Variants in RHBDL2 observed in about 807,000 individuals in gnomAD.
RHBDL2 encodes the protein rhomboid like 2.
RHBDL2 carries 26 observed loss-of-function variants against 31.7 expected under a neutral mutation model. The ratio of observed to expected loss-of-function variants is 0.82; its 90% CI spans 0.60 to 1.14. RHBDL2 has a LOEUF of 1.14. Ranked by LOEUF, RHBDL2 falls within the 50% of genes most tolerant of loss-of-function variation. RHBDL2 has a pLI of 0.00. For missense variants in RHBDL2, 336 were observed against 364.4 expected (o/e 0.92, Z 0.63); for synonymous variants, 123 against 127.2 (o/e 0.97, Z 0.22).
chr1:38,938,435 C>T (rs1230775529), intron 1 of RHBDL2, among the ~76,000 whole-genome samples: 1 of 152,006 alleles, frequency 6.6e-6, no homozygotes, highest in Non-Finnish European at 1.5e-5. Flanking sequence ...TTTCCATTTC[C>T]CCAAATATAC....
intron 1 of RHBDL2, chr1:38,926,236 AGTATCCAG>A: frequency 9.1e-7 from 1 of 1,097,032 alleles, no homozygotes; most frequent in Non-Finnish European, 1.1e-6. Flanking sequence ...CAGTGGCAGC[AGTATCCAG>A]TGTCCAGACG....
chr1:38,931,273 G>A (rs983015744), intron 1 of RHBDL2, among the ~76,000 whole-genome samples: 1 of 152,186 alleles, frequency 6.6e-6, no homozygotes, highest in African/African-American at 2.4e-5. Context: ...TGTAATCCTA[G>A]TACTTTGGGA....
chr1:38,920,166 C>CTTTTTTTTTTTTTTT (rs71057165), intron 1 of RHBDL2, among the ~76,000 whole-genome samples: 2 of 111,402 alleles, frequency 1.8e-5, no homozygotes, highest in Non-Finnish European at 1.7e-5. Flanking sequence ...CACATGTTTT[C>CTTTTTTTTTTTTTTT]TTTTTTTTTT....
At chr1:38,903,336 C>T (rs1349045850) in intron 4 of RHBDL2, among the ~76,000 whole-genome samples, 1 of 151,500 alleles carries the variant, frequency 6.6e-6, no homozygotes, top group Non-Finnish European at 1.5e-5. Context: ...GACGGGGTTT[C>T]ACTATGTTGC....
chr1:38,934,483 C>T (rs993615656), intron 1 of RHBDL2, among the ~76,000 whole-genome samples: 2 of 151,282 alleles, frequency 1.3e-5, no homozygotes, highest in African/African-American at 2.4e-5. Flanking sequence ...AGTGAAACCC[C>T]GTCTCTACTA....
intron 5 of RHBDL2, among the ~76,000 whole-genome samples, chr1:38,895,206 GGTGGT>G (rs1460830779): frequency 6.6e-6 from 1 of 152,106 alleles, no homozygotes; most frequent in African/African-American, 2.4e-5. Flanking sequence ...ACAATATAAG[GGTGGT>G]GTCATTGTTA....
intron 1 of RHBDL2, among the ~76,000 whole-genome samples, chr1:38,920,613 T>C (rs1217315266): frequency 6.7e-6 from 1 of 149,718 alleles, no homozygotes; most frequent in Admixed American, 6.7e-5. Context: ...TTCTCTTTTT[T>C]TTTTTTTTTT....
At chr1:38,894,937 C>G (rs967219919) in intron 5 of RHBDL2, among the ~76,000 whole-genome samples, 1 of 152,082 alleles carries the variant, frequency 6.6e-6, no homozygotes, top group East Asian at 1.9e-4. Flanking sequence ...GATCTCTTGA[C>G]CTCATGATCC....
intron 1 of RHBDL2, among the ~76,000 whole-genome samples, chr1:38,940,796 T>G (rs564509461): frequency 2.1e-4 from 32 of 152,262 alleles, no homozygotes; most frequent in Admixed American, 1.0e-3. Flanking sequence ...CTCAGGAAGC[T>G]GAGGCAAGAA....
At chr1:38,929,666 A>G in intron 1 of RHBDL2, 1 of 828,102 alleles carries the variant, frequency 1.2e-6, no homozygotes, top group Non-Finnish European at 1.5e-6. Context: ...GGGTGTAGCC[A>G]ATTGCTGCCC....
intron 3 of RHBDL2, among the ~76,000 whole-genome samples, chr1:38,912,366 A>G (rs1215356908): frequency 2.7e-5 from 4 of 150,942 alleles, no homozygotes; most frequent in Non-Finnish European, 5.9e-5. Context: ...TGGCCTCCCA[A>G]AGTGCTGGGA....
chr1:38,928,114 G>T (rs1173927221), intron 1 of RHBDL2, among the ~76,000 whole-genome samples: 1 of 150,372 alleles, frequency 6.7e-6, no homozygotes, highest in East Asian at 1.9e-4. Flanking sequence ...ATAAATTGAA[G>T]ATTTTAAAAT....
intron 1 of RHBDL2, among the ~76,000 whole-genome samples, chr1:38,938,654 G>C (rs1288539279): frequency 1.3e-5 from 2 of 152,120 alleles, no homozygotes; most frequent in African/African-American, 4.8e-5. Context: ...TTTAATTAAA[G>C]AAAAACAAAA....
At chr1:38,900,726 A>C (rs949487048) in intron 4 of RHBDL2, among the ~76,000 whole-genome samples, 14 of 151,580 alleles carry the variant, frequency 9.2e-5, no homozygotes, top group Non-Finnish European at 1.9e-4. Context: ...ACTCTGTCTC[A>C]AAAAAAATAA....
chr1:38,930,342 A>G (rs2124352062), intron 1 of RHBDL2, among the ~76,000 whole-genome samples: 1 of 152,270 alleles, frequency 6.6e-6, no homozygotes, highest in Non-Finnish European at 1.5e-5. Context: ...TTACAGGTAA[A>G]TAACTAGGGC....
intron 6 of RHBDL2, among the ~76,000 whole-genome samples, chr1:38,891,689 T>A (rs74064941): frequency 0.023 from 3,469 of 152,316 alleles, 135 homozygotes; most frequent in African/African-American, 0.077. Flanking sequence ...TATCTCAGAG[T>A]GAAATATTAG....
At chr1:38,932,758 T>C (rs1043287606) in intron 1 of RHBDL2, among the ~76,000 whole-genome samples, 5 of 152,074 alleles carry the variant, frequency 3.3e-5, no homozygotes, top group African/African-American at 1.2e-4. Flanking sequence ...CCACACCTAT[T>C]CTTGTTTTGA....
At chr1:38,918,023 C>A (rs1293205759) in intron 2 of RHBDL2, among the ~76,000 whole-genome samples, 2 of 152,190 alleles carry the variant, frequency 1.3e-5, no homozygotes, top group Non-Finnish European at 2.9e-5. Flanking sequence ...ATTCTGCCAG[C>A]AGAACTCTAC....
chr1:38,918,290 C>G (rs1643264905), intron 2 of RHBDL2, among the ~76,000 whole-genome samples: 1 of 152,148 alleles, frequency 6.6e-6, no homozygotes, highest in African/African-American at 2.4e-5. Flanking sequence ...CTTCCTAATG[C>G]CCCTGAAGTC....
Sources: allele counts gnomAD v4.1 joint callset (sites outside exome capture counted in the v4.1 genomes callset), GRCh38; gene constraint gnomAD v4.1.1; transcripts MANE v1.5; gene names NCBI Gene and HGNC (gene_info 2026-07-23, HGNC 2026-07-21).